Variants in MACROD2 observed in about 807,000 individuals in gnomAD.
MACROD2 encodes the protein mono-ADP ribosylhydrolase 2, also known as ADP-ribose glycohydrolase MACROD2.
In MACROD2, 36 loss-of-function variants were observed where a neutral mutation model predicts 70.4. The ratio of observed to expected loss-of-function variants is 0.51; its 90% CI spans 0.39 to 0.68. MACROD2 has a LOEUF of 0.68. MACROD2 is among the 30% of genes least tolerant of loss of function. The pLI is 0.00. For synonymous variants in MACROD2, 172 were observed against 178.8 expected, an observed-to-expected ratio of 0.96 and a Z score of 0.30; for missense variants, 496 against 538.4, an observed-to-expected ratio of 0.92 and a Z score of 0.78.
chr20:14,509,429 C>A (rs2085005059), intron 4 of MACROD2, among the ~76,000 whole-genome samples: 1 of 151,888 alleles, frequency 6.6e-6, no homozygotes, highest in Non-Finnish European at 1.5e-5. Context: ...TGAGCTATTC[C>A]TTGCCCAATA....
chr20:15,659,618 G>A (rs1405579920), intron 8 of MACROD2, among the ~76,000 whole-genome samples: 1 of 151,920 alleles, frequency 6.6e-6, no homozygotes, highest in African/African-American at 2.4e-5. Flanking sequence ...ACATTAGGGG[G>A]TAAGACACTA....
intron 10 of MACROD2, 144 bp from the exon 11 acceptor site, chr20:15,933,132 G>A (rs770656963): frequency 2.5e-4 from 167 of 659,200 alleles, no homozygotes; most frequent in Non-Finnish European, 3.9e-4. Context: ...TCTGTTTCAT[G>A]CCTCTGATTC....
intron 2 of MACROD2, among the ~76,000 whole-genome samples, chr20:14,002,638 A>G (rs765507116): frequency 6.6e-6 from 1 of 152,154 alleles, no homozygotes; most frequent in African/African-American, 2.4e-5. Context: ...TACTTTTTTT[A>G]CAGGTCCTTT....
intron 8 of MACROD2, among the ~76,000 whole-genome samples, chr20:15,636,855 T>C (rs115021): frequency 0.024 from 3,637 of 152,074 alleles, 152 homozygotes; most frequent in East Asian, 0.18. Context: ...GGGGATGAGC[T>C]GTCACATGGG....
intron 4 of MACROD2, among the ~76,000 whole-genome samples, chr20:14,671,150 G>A (rs531950618): frequency 6.6e-6 from 1 of 152,086 alleles, no homozygotes; most frequent in East Asian, 1.9e-4. Context: ...ATTGATAGTG[G>A]GTAGGCAACC....
chr20:15,712,821 T>A (rs1228838921), intron 8 of MACROD2, among the ~76,000 whole-genome samples: 2 of 152,244 alleles, frequency 1.3e-5, no homozygotes, highest in South Asian at 2.1e-4. Context: ...CCTGATGTGG[T>A]CCTGGTCCAA....
intron 8 of MACROD2, among the ~76,000 whole-genome samples, chr20:15,825,485 T>A (rs955302850): frequency 9.8e-6 from 1 of 102,338 alleles, no homozygotes; most frequent in Non-Finnish European, 2.6e-5. Flanking sequence ...CATGATAAAA[T>A]GGTTTTTTTT....
intron 8 of MACROD2, among the ~76,000 whole-genome samples, chr20:15,714,758 CAT>C (rs1489358953): frequency 6.6e-6 from 1 of 152,084 alleles, no homozygotes; most frequent in Non-Finnish European, 1.5e-5. Context: ...ATATGTGCCA[CAT>C]ACTTTACTAA....
At chr20:15,442,896 T>A (rs1236893518) in intron 7 of MACROD2, among the ~76,000 whole-genome samples, 1 of 152,146 alleles carries the variant, frequency 6.6e-6, no homozygotes, top group Non-Finnish European at 1.5e-5. Context: ...TGCTGAGTGC[T>A]TACAAATTTG....
At chr20:14,672,643 A>G (rs1384081608) in intron 4 of MACROD2, among the ~76,000 whole-genome samples, 1 of 152,166 alleles carries the variant, frequency 6.6e-6, no homozygotes, top group South Asian at 2.1e-4. Context: ...ATCTCATTCA[A>G]TTCTCATAAG....
intron 12 of MACROD2, among the ~76,000 whole-genome samples, chr20:15,945,707 A>G (rs1033595): frequency 0.72 from 108,778 of 152,124 alleles, 39,080 homozygotes; most frequent in Non-Finnish European, 0.75. Flanking sequence ...TTAAAAAGTC[A>G]TCAGTGTTAT....
At chr20:14,737,305 A>G (rs62204772) in intron 5 of MACROD2, among the ~76,000 whole-genome samples, 6,418 of 152,212 alleles carry the variant, frequency 0.042, 206 homozygotes, top group Non-Finnish European at 0.061. Context: ...GTGGCTGCAG[A>G]GTATTCCATG....
At chr20:14,130,662 A>G (rs2054705405) in intron 3 of MACROD2, among the ~76,000 whole-genome samples, 2 of 152,226 alleles carry the variant, frequency 1.3e-5, no homozygotes, top group African/African-American at 2.4e-5. Flanking sequence ...TTAGCAGTTC[A>G]TAATTAACCC....
chr20:14,471,177 G>A (rs1021413309), intron 3 of MACROD2, among the ~76,000 whole-genome samples: 4 of 152,126 alleles, frequency 2.6e-5, no homozygotes, highest in African/African-American at 9.7e-5. Flanking sequence ...CTAGGGGAGG[G>A]AGTTCCCCAA....
At chr20:15,820,097 G>A (rs1469120163) in intron 8 of MACROD2, among the ~76,000 whole-genome samples, 1 of 151,842 alleles carries the variant, frequency 6.6e-6, no homozygotes, top group Non-Finnish European at 1.5e-5. Flanking sequence ...CTATATCCTA[G>A]GAGAAGCGAC....
intron 15 of MACROD2, among the ~76,000 whole-genome samples, chr20:15,997,804 G>A (rs1196681821): frequency 6.6e-6 from 1 of 152,112 alleles, no homozygotes; most frequent in Non-Finnish European, 1.5e-5. Flanking sequence ...TTTTACCATT[G>A]AGTATGATGA....
chr20:14,861,235 G>A (rs2073312925), intron 5 of MACROD2, among the ~76,000 whole-genome samples: 1 of 152,078 alleles, frequency 6.6e-6, no homozygotes, highest in South Asian at 2.1e-4. Context: ...ACCTAAATGG[G>A]CAATGGGAAG....
At chr20:15,780,253 A>G (rs2051808353) in intron 8 of MACROD2, among the ~76,000 whole-genome samples, 1 of 152,154 alleles carries the variant, frequency 6.6e-6, no homozygotes, top group South Asian at 2.1e-4. Flanking sequence ...GATTCTAGAA[A>G]ATCTTTTAAC....
intron 6 of MACROD2, among the ~76,000 whole-genome samples, chr20:15,411,149 TACACAC>T (rs55750139): frequency 0.043 from 6,245 of 144,264 alleles, 398 homozygotes; most frequent in African/African-American, 0.14. Flanking sequence ...GATATGTATT[TACACAC>T]ACACACACAC....
Sources: allele counts gnomAD v4.1 joint callset (sites outside exome capture counted in the v4.1 genomes callset), GRCh38; gene constraint gnomAD v4.1.1; transcripts MANE v1.5; gene names NCBI Gene and HGNC (gene_info 2026-07-23, HGNC 2026-07-21).